The following HMCN1 variants were observed in gnomAD, a reference collection of about 807,000 sequenced individuals.
HMCN1 encodes the protein hemicentin-1.
Under a neutral mutation model 625.9 loss-of-function variants are expected in HMCN1, and 321 were observed. That is an observed-to-expected ratio of 0.51 (90% CI 0.47 to 0.56). The LOEUF (loss-of-function observed/expected upper bound fraction) is 0.56, where lower values mean the gene tolerates loss of function less well. Among genes scored for constraint, HMCN1 ranks in the 20% least tolerant of loss-of-function variants. The pLI is 0.00. For missense variants in HMCN1, 6,588 were observed against 6,887.3 expected, an observed-to-expected ratio of 0.96 and a Z score of 1.54; for synonymous variants, 2,425 against 2,417.6, an observed-to-expected ratio of 1.00 and a Z score of -0.09.
At chr1:185,737,648 T>C (rs1007699172) in intron 1 of HMCN1, among the ~76,000 whole-genome samples, 2 of 152,158 alleles carry the variant, frequency 1.3e-5, no homozygotes, top group African/African-American at 2.4e-5. Context: ...ATTCCTATGG[T>C]TGGGTGACAC....
intron 19 of HMCN1, among the ~76,000 whole-genome samples, chr1:185,985,344 A>G (rs1224794539): frequency 6.6e-6 from 1 of 152,212 alleles, no homozygotes; most frequent in Non-Finnish European, 1.5e-5. Flanking sequence ...ACCAGACCAT[A>G]GATTTCTTGA....
intron 97 of HMCN1, among the ~76,000 whole-genome samples, chr1:186,158,785 A>G (rs1571435812): frequency 6.6e-6 from 1 of 152,158 alleles, no homozygotes; most frequent in East Asian, 1.9e-4. Flanking sequence ...GTTCTGTTCC[A>G]TTGATCTATA....
At chr1:186,002,118 A>G (rs1653242125) in intron 28 of HMCN1, among the ~76,000 whole-genome samples, 1 of 152,098 alleles carries the variant, frequency 6.6e-6, no homozygotes, top group East Asian at 1.9e-4. Flanking sequence ...TGCTGTGCAT[A>G]TCCTGAAGCT....
intron 11 of HMCN1, among the ~76,000 whole-genome samples, chr1:185,953,891 G>A (rs374952150): frequency 6.6e-5 from 10 of 150,808 alleles, no homozygotes; most frequent in Admixed American, 1.3e-4. Context: ...GGGTGGGGCC[G>A]TTTTATAGGA....
intron 1 of HMCN1, among the ~76,000 whole-genome samples, chr1:185,760,457 C>T (rs546563688): frequency 1.3e-5 from 2 of 152,164 alleles, no homozygotes; most frequent in African/African-American, 2.4e-5. Context: ...AGTTCTTCAA[C>T]GTAAAAGAAT....
intron 1 of HMCN1, among the ~76,000 whole-genome samples, chr1:185,775,421 G>GA (rs140320491): frequency 0.015 from 2,332 of 151,812 alleles, 61 homozygotes; most frequent in African/African-American, 0.051. Flanking sequence ...CTTAAAAAAA[G>GA]AAAAAAATGG....
intron 53 of HMCN1, 120 bp downstream of exon 53, chr1:186,075,011 T>C (rs1658721289): frequency 4.7e-6 from 4 of 850,712 alleles, no homozygotes; most frequent in East Asian, 2.7e-5. Context: ...AAATTCATGA[T>C]TGAAAATTTA....
intron 15 of HMCN1, among the ~76,000 whole-genome samples, chr1:185,974,314 T>C (rs1184623014): frequency 6.6e-6 from 1 of 152,146 alleles, no homozygotes; most frequent in Non-Finnish European, 1.5e-5. Context: ...AACTCTATAA[T>C]ATGTTTAATG....
chr1:186,039,434 G>A (rs893301446), intron 38 of HMCN1, among the ~76,000 whole-genome samples: 8 of 150,512 alleles, frequency 5.3e-5, no homozygotes, highest in African/African-American at 2.0e-4. Flanking sequence ...ACACACACAC[G>A]CCTAGAAATC....
At chr1:186,148,046 C>CA (rs1453087203) in intron 93 of HMCN1, among the ~76,000 whole-genome samples, 1 of 152,204 alleles carries the variant, frequency 6.6e-6, no homozygotes, top group African/African-American at 2.4e-5. Flanking sequence ...AAGTTTGGGT[C>CA]AATCCTCTCA....
At chr1:185,894,715 T>C (rs920238387) in intron 4 of HMCN1, among the ~76,000 whole-genome samples, 8 of 152,218 alleles carry the variant, frequency 5.3e-5, no homozygotes, top group African/African-American at 1.9e-4. Flanking sequence ...ATTATTTTAT[T>C]TATTTTTTTT....
At chr1:186,173,693 C>T (rs1337975542) in intron 102 of HMCN1, among the ~76,000 whole-genome samples, 1 of 148,450 alleles carries the variant, frequency 6.7e-6, no homozygotes, top group Non-Finnish European at 1.5e-5. Context: ...CAACTCAGAG[C>T]ATCATGTACA....
rs1656516552 is a variant in HMCN1, at chr1:186,045,704, G to C, written c.6321G>C (p.Met2107Ile). The C allele has an allele frequency of 6.2e-7, 1 of 1,613,046 alleles. No homozygotes were observed. The highest frequency in any genetic ancestry group is 1.7e-5 in the Admixed American group (1 of 59,966). The change falls in exon 41 of 107, where the codon ATG (methionine) becomes ATC (isoleucine). Residue 2107 changes from methionine to isoleucine, a missense_variant. Physicochemically the swap from Met to Ile is conservative, Grantham distance 10 (BLOSUM62 1). Around this residue, in one of 3 missense-constraint regions of HMCN1, gnomAD observed 4,628 missense variants for 4,853.1 expected, o/e 0.95. Coordinates refer to ENST00000271588, the MANE Select transcript of HMCN1 (RefSeq NM_031935.3). ...TTCATGTAGTTCCGCCAAATATTAT[G>C]GGAGAAGAACAGAATGTCTCTGTCC... Reference protein sequence around the residue: ...DLRVYVPPNIMGEEQNVSVLI... With the variant: ...DLRVYVPPNIIGEEQNVSVLI...
Position 186,130,070 on chromosome 1 carries a change from G to C in HMCN1, c.13009G>C (p.Val4337Leu). The C allele has an allele frequency of 1.2e-6, 2 of 1,613,288 alleles. No individual in the cohort carries two copies. The highest frequency in any genetic ancestry group is 1.3e-5 in the African/African-American group (1 of 74,998). Residue 4337 changes from valine to leucine, a missense_variant, in exon 84 of 107, where the codon GTG becomes CTG. Coordinates refer to ENST00000271588, the MANE Select transcript of HMCN1 (RefSeq NM_031935.3). ...CACCGCAGAGAACAGCGTTGGCTTTGTGAAGGCAATTGGATTTGTTTATGT... is the reference window on the plus strand; with the variant it reads ...CACCGCAGAGAACAGCGTTGGCTTTCTGAAGGCAATTGGATTTGTTTATGT... ...VCTAENSVGF[V>L]KAIGFVYVKE...
chr1:186,107,091 T>C, intron 70 of HMCN1, 126 bp downstream of exon 70: 1 of 725,712 alleles, frequency 1.4e-6, no homozygotes, highest in South Asian at 1.5e-5. Flanking sequence ...CAAATCTGAA[T>C]CTTTTTTTTT....
At chr1:185,735,209 C>T (rs1653474954) in intron 1 of HMCN1, among the ~76,000 whole-genome samples, 162 bp downstream of exon 1, 1 of 152,160 alleles carries the variant, frequency 6.6e-6, no homozygotes, top group Non-Finnish European at 1.5e-5. Context: ...TCTGGGTTTG[C>T]TCATTGATAC....
intron 97 of HMCN1, among the ~76,000 whole-genome samples, chr1:186,161,018 G>C (rs1651429340): frequency 6.6e-6 from 1 of 152,084 alleles, no homozygotes; most frequent in Non-Finnish European, 1.5e-5. Context: ...GTTTACAGGG[G>C]GTGTTAAAGT....
chr1:186,106,987 A>G (rs1306537862), intron 70 of HMCN1, 22 bp downstream of exon 70: 2 of 1,423,684 alleles, frequency 1.4e-6, no homozygotes, highest in South Asian at 1.1e-5. Context: ...AAAATATCCT[A>G]CAGTCTATCA....
chr1:186,115,931 A>G (rs974890631), intron 75 of HMCN1, among the ~76,000 whole-genome samples: 2 of 152,046 alleles, frequency 1.3e-5, no homozygotes, highest in Non-Finnish European at 2.9e-5. Flanking sequence ...CAAAGGCTAA[A>G]CTTTAAATCA....
Sources: allele counts gnomAD v4.1 joint callset (sites outside exome capture counted in the v4.1 genomes callset), GRCh38; gene constraint gnomAD v4.1.1; regional missense constraint gnomAD v4.1.1; transcripts MANE v1.5; gene names NCBI Gene and HGNC (gene_info 2026-07-23, HGNC 2026-07-21).